Variants in MED13L observed in about 807,000 individuals in gnomAD.
MED13L encodes mediator of RNA polymerase II transcription subunit 13-like.
Under a neutral mutation model 220.9 loss-of-function variants are expected in MED13L, and 7 were observed. The ratio of observed to expected loss-of-function variants is 0.03; its 90% CI spans 0.02 to 0.06. The LOEUF (loss-of-function observed/expected upper bound fraction) is 0.06. Among genes scored for constraint, MED13L ranks in the 10% least tolerant of loss-of-function variants. The pLI is 1.00. For synonymous variants in MED13L, 1,011 were observed against 1,015.2 expected, an observed-to-expected ratio of 1.00 and a Z score of 0.08; for missense variants, 1,965 against 2,760.5, an observed-to-expected ratio of 0.71 and a Z score of 6.46.
chr12:115,984,160 C>T lies in MED13L; in HGVS notation c.4531+20G>A. The T allele has an allele frequency of 1.2e-6, 2 of 1,611,688 alleles. No homozygotes were observed. The highest frequency in any genetic ancestry group is 1.7e-6 in the Non-Finnish European group (2 of 1,179,214). ...ATTTTACTTCTCCAATTCTACTTTG[C>T]CAAATAAATTCCCATTTACCTAGGT... On this transcript the variant is annotated intron_variant, in intron 20 of 30. Coordinates refer to ENST00000281928, the MANE Select transcript of MED13L (RefSeq NM_015335.5).
At chr12:115,977,761 C>T (rs1272830578) in intron 23 of MED13L, among the ~76,000 whole-genome samples, 3 of 152,166 alleles carry the variant, frequency 2.0e-5, no homozygotes, top group African/African-American at 7.2e-5. Context: ...CTTTGGGAGG[C>T]TGAGTCAGGC....
chr12:116,240,808 C>T (rs1360599361), intron 1 of MED13L, among the ~76,000 whole-genome samples: 2 of 151,428 alleles, frequency 1.3e-5, no homozygotes, highest in African/African-American at 2.4e-5. Context: ...ATTACAGGCG[C>T]GAGCCACCAC....
At chr12:115,971,950 A>C (rs1010153788) in intron 26 of MED13L, 128 bp downstream of exon 26, 1 of 1,115,304 alleles carries the variant, frequency 9.0e-7, no homozygotes, top group Non-Finnish European at 1.3e-6. Flanking sequence ...TCCATCTTTA[A>C]GCCCCAAATA....
rs1880285608 is a variant in MED13L, at chr12:116,024,782, G to GGGC, written c.480-2182_480-2181insGCC. 2.0e-5 allele frequency among the ~76,000 whole-genome samples: 2 copies of GGGC among 100,148 alleles called. 1 individual carries two copies. Among genetic ancestry groups the GGGC allele is most frequent in the South Asian group, 9.3e-4 (2 of 2,152 alleles). 65.7% of individuals were successfully genotyped at this position (100,148 alleles called of 152,430 possible). The stretch of plus-strand genomic sequence containing the variant: ...CTTTTTTTTGGCGGGGCGGGGGGGG[G>GGGC]GGGGAGGTGATCTTGTTTTTAAATT... On this transcript the variant is annotated intron_variant, in intron 4 of 30. Coordinates refer to ENST00000281928, the MANE Select transcript of MED13L (RefSeq NM_015335.5).
chr12:116,003,573 C>A (rs1878878518), intron 13 of MED13L, among the ~76,000 whole-genome samples: 1 of 151,616 alleles, frequency 6.6e-6, no homozygotes, highest in Non-Finnish European at 1.5e-5. Flanking sequence ...TTTATCTTCA[C>A]CAAAAATAAC....
rs1380999742 is a variant in MED13L at position 116,059,972 on chromosome 12, A to T, written c.479+36697T>A. 2.0e-5 allele frequency among the ~76,000 whole-genome samples: 3 copies of T among 152,198 alleles called. No homozygotes were observed. The East Asian group carries it at 5.8e-4, about 29-fold the overall frequency. On this transcript the variant is annotated intron_variant, in intron 4 of 30. Coordinates refer to ENST00000281928, the MANE Select transcript of MED13L (RefSeq NM_015335.5). ...AAGAAACAAAACAAATCACTGTGAT[A>T]TAGAACCCCTTAAAGAAAACGCTTG...
intron 7 of MED13L, 72 bp from the exon 8 acceptor site, chr12:116,015,346 T>C: frequency 6.7e-7 from 1 of 1,486,290 alleles, no homozygotes; most frequent in Non-Finnish European, 9.4e-7. Context: ...TGCTATCTTA[T>C]TAACATAAAT....
In MED13L at chr12:116,270,585, T is replaced by C. The variant is rs138207930; in HGVS notation, c.72+6475A>G. Among the ~76,000 whole-genome samples the C allele has an allele frequency of 4.6e-5, 7 of 152,314 alleles. No individual in the cohort carries two copies. The East Asian group carries it at 9.6e-4, about 21-fold the overall frequency. Reference sequence around the variant, plus strand: ...AACAAAAATTGGGCAAGCATACATATTTCATTCATGCAAATGAGTCTGAAT... The same window carrying C: ...AACAAAAATTGGGCAAGCATACATACTTCATTCATGCAAATGAGTCTGAAT... On this transcript the variant is annotated intron_variant, in intron 1 of 30. Coordinates refer to ENST00000281928, the MANE Select transcript of MED13L (RefSeq NM_015335.5).
chr12:115,965,879 C>CT (rs1440376895), intron 29 of MED13L, among the ~76,000 whole-genome samples: 2 of 152,120 alleles, frequency 1.3e-5, no homozygotes, highest in Non-Finnish European at 2.9e-5. Context: ...TGATTCATTT[C>CT]TTTGTGACAT....
intron 3 of MED13L, among the ~76,000 whole-genome samples, chr12:116,109,736 G>A (rs1458223477): frequency 1.3e-5 from 2 of 152,116 alleles, no homozygotes; most frequent in Non-Finnish European, 2.9e-5. Context: ...GTGGGAGACA[G>A]AATTACCAAA....
chr12:115,968,052 G>GGC (rs1876307656), intron 28 of MED13L, among the ~76,000 whole-genome samples: 4 of 35,708 alleles, frequency 1.1e-4, no homozygotes, highest in East Asian at 1.0e-3. Flanking sequence ...GGGAATAAAA[G>GGC]TCCCCCCCCC....
At chr12:116,192,005 G>A (rs998111633) in intron 2 of MED13L, among the ~76,000 whole-genome samples, 2 of 152,204 alleles carry the variant, frequency 1.3e-5, no homozygotes, top group Non-Finnish European at 2.9e-5. Context: ...ACAATAGAAT[G>A]TAGTTAAAAT....
chr12:115,971,489 T>C (rs1048320671), intron 26 of MED13L, among the ~76,000 whole-genome samples: 1 of 152,186 alleles, frequency 6.6e-6, no homozygotes, highest in Non-Finnish European at 1.5e-5. Flanking sequence ...TATAAAAATA[T>C]AAAATCGCTC....
intron 2 of MED13L, among the ~76,000 whole-genome samples, chr12:116,163,731 CAT>C (rs920104715): frequency 6.6e-6 from 1 of 152,144 alleles, no homozygotes; most frequent in African/African-American, 2.4e-5. Context: ...GAGAAGTACA[CAT>C]ATCATACATA....
chr12:116,055,747 A>G (rs1157390237), intron 4 of MED13L, among the ~76,000 whole-genome samples: 1 of 152,156 alleles, frequency 6.6e-6, no homozygotes, highest in African/African-American at 2.4e-5. Flanking sequence ...TACAAAAATT[A>G]GCCGGGCTTG....
chr12:115,998,816 C>T (rs548685031), intron 14 of MED13L, among the ~76,000 whole-genome samples: 90 of 152,264 alleles, frequency 5.9e-4, no homozygotes, highest in African/African-American at 2.1e-3. Context: ...ATTAGCGATG[C>T]TCCACTGCTA....
intron 9 of MED13L, among the ~76,000 whole-genome samples, chr12:116,012,060 T>G (rs988130600): frequency 6.6e-6 from 1 of 152,170 alleles, no homozygotes; most frequent in African/African-American, 2.4e-5. Context: ...AATTTGAAAG[T>G]GTATATTTCA....
At chr12:116,218,032 A>C (rs1333253694) in intron 2 of MED13L, among the ~76,000 whole-genome samples, 1 of 152,176 alleles carries the variant, frequency 6.6e-6, no homozygotes, top group Non-Finnish European at 1.5e-5. Flanking sequence ...CGTTGAATTG[A>C]ATTATACACT....
intron 2 of MED13L, among the ~76,000 whole-genome samples, chr12:116,136,356 C>A (rs887460134): frequency 3.3e-5 from 5 of 152,110 alleles, no homozygotes; most frequent in African/African-American, 1.2e-4. Flanking sequence ...TATTTGTGCT[C>A]ATCAGAATGA....
Sources: allele counts gnomAD v4.1 joint callset (sites outside exome capture counted in the v4.1 genomes callset), GRCh38; gene constraint gnomAD v4.1.1; transcripts MANE v1.5; gene names NCBI Gene and HGNC (gene_info 2026-07-23, HGNC 2026-07-21).